KCNN2: variants seen among roughly 807,000 people sequenced by gnomAD.
The protein encoded by KCNN2 is small conductance calcium-activated potassium channel protein 2.
Under a neutral mutation model 55.5 loss-of-function variants are expected in KCNN2, and 24 were observed. The observed-to-expected ratio is 0.43, with a 90% CI of 0.31 to 0.61. The LOEUF (loss-of-function observed/expected upper bound fraction) is 0.61, where lower values mean the gene tolerates loss of function less well. Among genes scored for constraint, KCNN2 ranks in the 20% least tolerant of loss-of-function variants. The probability of loss-of-function intolerance (pLI) is 0.08; values close to 1 mark genes in which losing one functional copy is unlikely to be tolerated. For synonymous variants in KCNN2, 431 were observed against 336.1 expected, an observed-to-expected ratio of 1.28 and a Z score of -3.09; for missense variants, 754 against 853.6, an observed-to-expected ratio of 0.88 and a Z score of 1.45.
At chr5:114,297,624 A>G (rs6894645) in intron 2 of KCNN2, among the ~76,000 whole-genome samples, 17,955 of 151,950 alleles carry the variant, frequency 0.12, 1,808 homozygotes, top group African/African-American at 0.27. Flanking sequence ...CCCTCCAAAA[A>G]CTCTAAATAC....
chr5:114,359,045 C>T (rs149957386), upstream of KCNN2, among the ~76,000 whole-genome samples: 183 of 152,278 alleles, frequency 1.2e-3, 7 homozygotes, highest in East Asian at 0.029. Flanking sequence ...TTACCACACT[C>T]TCAATATACA....
Position 114,368,010 on chromosome 5 carries a change from T to C in KCNN2, c.1218+4009T>C, listed in dbSNP as rs1757653340. ...GTTTTTGTAATGTACAGCTGACTTT[T>C]GAACAACATGGGTGAACTGTGTGGA... On this transcript the variant is annotated intron_variant, in intron 2 of 7. Coordinates refer to ENST00000673685, the MANE Select transcript of KCNN2 (RefSeq NM_021614.4). 3.9e-5 allele frequency among the ~76,000 whole-genome samples: 6 copies of C among 152,344 alleles called. No homozygotes were observed. The South Asian group carries it at 1.2e-3, about 32-fold the overall frequency.
chr5:114,167,505 GTTC>G (rs1752939420), intron 1 of KCNN2, among the ~76,000 whole-genome samples: 3 of 151,952 alleles, frequency 2.0e-5, no homozygotes, highest in Admixed American at 2.0e-4. Flanking sequence ...CACTCATTCT[GTTC>G]TTCTTTTTGT....
chr5:114,210,396 T>C (rs1184046090), intron 1 of KCNN2, among the ~76,000 whole-genome samples: 1 of 152,154 alleles, frequency 6.6e-6, no homozygotes, highest in Non-Finnish European at 1.5e-5. Flanking sequence ...CCTAACCCTG[T>C]ATTTCCCCTA....
At chr5:114,213,151 T>C (rs557983164) in intron 1 of KCNN2, among the ~76,000 whole-genome samples, 38 of 152,144 alleles carry the variant, frequency 2.5e-4, no homozygotes, top group African/African-American at 8.7e-4. Context: ...GTCTCCATAG[T>C]TGATAATATT....
intron 1 of KCNN2, among the ~76,000 whole-genome samples, chr5:114,145,634 G>A (rs1344991593): frequency 6.6e-6 from 1 of 152,176 alleles, no homozygotes; most frequent in Non-Finnish European, 1.5e-5. Context: ...TCTTCTGAAG[G>A]TTGGGCAGGA....
chr5:114,094,937 T>A (rs1938037420), intron 1 of KCNN2, among the ~76,000 whole-genome samples: 2 of 152,276 alleles, frequency 1.3e-5, no homozygotes, highest in African/African-American at 4.8e-5. Flanking sequence ...TATATATTTT[T>A]ATATGATAAT....
At chr5:114,275,367 T>G (rs1043598341) in intron 2 of KCNN2, among the ~76,000 whole-genome samples, 1 of 152,184 alleles carries the variant, frequency 6.6e-6, no homozygotes, top group African/African-American at 2.4e-5. Flanking sequence ...TTAGGGAGGA[T>G]TCCCTCTTTT....
rs149501456 is a variant in KCNN2, at chr5:114,374,820, C to T, written c.1218+10819C>T. Among the ~76,000 whole-genome samples the T allele has an allele frequency of 1.8e-3, 267 of 152,140 alleles. 5 individuals are homozygous for T. Among genetic ancestry groups the T allele is most frequent in the African/African-American group, 6.1e-3 (253 of 41,506 alleles). ...TGATATTCTACATCAATAATGTGTC[C>T]TTTGCTTTCTTTAATATTCTGGGCA... is the stretch of plus-strand genomic sequence containing the variant. On this transcript the variant is annotated intron_variant, in intron 2 of 7. Coordinates refer to ENST00000673685, the MANE Select transcript of KCNN2 (RefSeq NM_021614.4).
intron 3 of KCNN2, 28 bp downstream of exon 3, chr5:114,404,884 T>A: frequency 6.4e-7 from 1 of 1,572,552 alleles, no homozygotes; most frequent in South Asian, 1.2e-5. Context: ...CCTGAGAACA[T>A]AATTTACCAT....
At chr5:114,130,707 T>C (rs1225367375) in intron 1 of KCNN2, among the ~76,000 whole-genome samples, 3 of 152,336 alleles carry the variant, frequency 2.0e-5, no homozygotes, top group Middle Eastern at 3.4e-3. Flanking sequence ...AAAGGTTATA[T>C]ACTTCATAAT....
At chr5:114,106,955 A>G (rs1751497855) in intron 1 of KCNN2, among the ~76,000 whole-genome samples, 1 of 152,042 alleles carries the variant, frequency 6.6e-6, no homozygotes, top group Non-Finnish European at 1.5e-5. Context: ...GGCAGTTACA[A>G]GGTCATGAAG....
At chr5:114,466,702 G>A (rs956410789) in intron 4 of KCNN2, among the ~76,000 whole-genome samples, 4 of 151,810 alleles carry the variant, frequency 2.6e-5, no homozygotes, top group African/African-American at 9.7e-5. Flanking sequence ...GGATTTTTTG[G>A]TTTAATTATC....
Position 114,404,712 on chromosome 5 carries a change from G to T in KCNN2, c.1493G>T (p.Arg498Ile). Residue 498 changes from arginine (R) to isoleucine (I), a missense_variant, in exon 3 of 8, where the codon AGA (arginine) becomes ATA (isoleucine). Around this residue, in one of 4 missense-constraint regions of KCNN2, gnomAD observed 86 missense variants for 233.0 expected, o/e 0.37. Transcript: ENST00000673685. ...AAACTTTTCACTGATGCCTCCTCTA[G>T]AAGCATTGGAGCACTTAATAAGATA... ...HSKLFTDASS[R>I]SIGALNKINF... is the part of the protein sequence containing the mutation. 1 of 1,614,032 alleles carries T rather than the reference G, an allele frequency of 6.2e-7. No individual in the cohort carries two copies. Among genetic ancestry groups the T allele is most frequent in the Non-Finnish European group, 8.5e-7 (1 of 1,180,012 alleles).
chr5:114,115,367 T>C (rs997901657), intron 1 of KCNN2, among the ~76,000 whole-genome samples: 2 of 152,148 alleles, frequency 1.3e-5, no homozygotes, highest in Non-Finnish European at 2.9e-5. Flanking sequence ...TAGCTAGCAT[T>C]GTGCAAGTTT....
intron 2 of KCNN2, among the ~76,000 whole-genome samples, chr5:114,297,420 T>C (rs1274366205): frequency 1.3e-5 from 2 of 152,188 alleles, no homozygotes; most frequent in Non-Finnish European, 2.9e-5. Flanking sequence ...ATATATTGAA[T>C]ATTGCTCTTT....
chr5:114,261,994 T>C (rs1400614640), intron 2 of KCNN2, among the ~76,000 whole-genome samples: 1 of 152,192 alleles, frequency 6.6e-6, no homozygotes, highest in Non-Finnish European at 1.5e-5. Flanking sequence ...AAGTGTGCTT[T>C]GTTATATATT....
At chr5:114,209,169 G>A (rs908143543) in intron 1 of KCNN2, among the ~76,000 whole-genome samples, 7 of 150,984 alleles carry the variant, frequency 4.6e-5, no homozygotes, top group African/African-American at 1.7e-4. Context: ...GGATCCTCCC[G>A]CCTCAGCCTC....
chr5:114,461,528 A>G (rs1244836580), intron 3 of KCNN2, among the ~76,000 whole-genome samples: 2 of 152,044 alleles, frequency 1.3e-5, no homozygotes, highest in Non-Finnish European at 2.9e-5. Flanking sequence ...TCCTTAGTCC[A>G]CAGTAGCAGG....
Sources: allele counts gnomAD v4.1 joint callset (sites outside exome capture counted in the v4.1 genomes callset), GRCh38; gene constraint gnomAD v4.1.1; regional missense constraint gnomAD v4.1.1; transcripts MANE v1.5; gene names NCBI Gene and HGNC (gene_info 2026-07-23, HGNC 2026-07-21).